MEIKIN: variants seen among roughly 807,000 people sequenced by gnomAD.
MEIKIN encodes meiotic kinetochore factor, also known as meiosis-specific kinetochore protein.
At chr5:131,875,235 C>G (rs1054972797) in intron 9 of MEIKIN, among the ~76,000 whole-genome samples, 3 of 152,160 alleles carry the variant, frequency 2.0e-5, no homozygotes, top group African/African-American at 7.2e-5. Context: ...GATTGTGTAT[C>G]TAGAAAACCC....
rs987689197 is a variant in MEIKIN at position 131,877,610 on chromosome 5, C to T, written c.774+1368G>A. On this transcript the variant is annotated intron_variant, in intron 9 of 12. Coordinates refer to ENST00000442687, the MANE Select transcript of MEIKIN (RefSeq NM_001303622.2). Reference sequence around the variant, plus strand: ...AGTGAGTGGTGAGAGAGCCACTGCACTCCAGCCTGGGTGACAGAGGAAGAC... The same window carrying T: ...AGTGAGTGGTGAGAGAGCCACTGCATTCCAGCCTGGGTGACAGAGGAAGAC... Among the ~76,000 whole-genome samples the T allele has an allele frequency of 1.3e-5, 2 of 152,136 alleles. 1 individual carries two copies. Among genetic ancestry groups the T allele is most frequent in the South Asian group, 4.1e-4 (2 of 4,824 alleles).
rs1750299119 is a variant in MEIKIN, at chr5:131,862,286, G to A, written c.775-7452C>T. 2.6e-5 allele frequency among the ~76,000 whole-genome samples: 4 copies of A among 152,068 alleles called. No individual in the cohort carries two copies. The South Asian group carries it at 8.3e-4, about 31-fold the overall frequency. On this transcript the variant is annotated intron_variant, in intron 9 of 12. Coordinates refer to ENST00000442687, the MANE Select transcript of MEIKIN (RefSeq NM_001303622.2). Reference sequence around the variant, plus strand: ...GTTTTCTAATTCTGTGGTATCAGTAGTAACGTCTCCTTTTTCATTCCTGAT... The same window carrying A: ...GTTTTCTAATTCTGTGGTATCAGTAATAACGTCTCCTTTTTCATTCCTGAT...
At chr5:131,849,776 G>A (rs1750080211) in intron 11 of MEIKIN, among the ~76,000 whole-genome samples, 1 of 151,650 alleles carries the variant, frequency 6.6e-6, no homozygotes, top group Non-Finnish European at 1.5e-5. Context: ...GAAGAAAAAG[G>A]CAAGGATGTC....
intron 9 of MEIKIN, among the ~76,000 whole-genome samples, chr5:131,878,349 C>T (rs1380213452): frequency 2.0e-5 from 3 of 152,102 alleles, no homozygotes; most frequent in Non-Finnish European, 2.9e-5. Context: ...GGGCGGATCA[C>T]GAGGTCAGGA....
chr5:131,869,325 T>C (rs898197266), intron 9 of MEIKIN, among the ~76,000 whole-genome samples: 4 of 152,242 alleles, frequency 2.6e-5, no homozygotes, highest in African/African-American at 9.6e-5. Context: ...CTCTCTATTC[T>C]GTTCCATCGA....
chr5:131,848,321 A>G (rs1265993261), intron 11 of MEIKIN, among the ~76,000 whole-genome samples: 7 of 152,204 alleles, frequency 4.6e-5, no homozygotes, highest in Non-Finnish European at 7.4e-5. Context: ...TTAAATTACT[A>G]AAGTCAGAAA....
intron 9 of MEIKIN, among the ~76,000 whole-genome samples, chr5:131,872,587 C>A (rs991805170): frequency 1.1e-4 from 16 of 152,266 alleles, no homozygotes; most frequent in African/African-American, 3.9e-4. Context: ...GGATATTATC[C>A]AGGAGAACTT....
At chr5:131,889,376 G>A (rs1027197697) in intron 8 of MEIKIN, among the ~76,000 whole-genome samples, 24 of 151,856 alleles carry the variant, frequency 1.6e-4, no homozygotes, top group Non-Finnish European at 3.4e-4. Flanking sequence ...TTGTATCCTC[G>A]TTTATTTCAT....
intron 11 of MEIKIN, among the ~76,000 whole-genome samples, chr5:131,830,380 G>A (rs1266902176): frequency 6.6e-6 from 1 of 152,186 alleles, no homozygotes; most frequent in Non-Finnish European, 1.5e-5. Flanking sequence ...CTGGGCAAGA[G>A]AGTGAGATCC....
intron 5 of MEIKIN, among the ~76,000 whole-genome samples, chr5:131,931,420 C>T (rs1275176707): frequency 6.6e-6 from 1 of 152,182 alleles, no homozygotes; most frequent in East Asian, 1.9e-4. Flanking sequence ...TCTTTGTTCT[C>T]AGCAGTCACC....
chr5:131,852,735 T>C (rs1750135621), intron 10 of MEIKIN, among the ~76,000 whole-genome samples: 1 of 152,120 alleles, frequency 6.6e-6, no homozygotes, highest in African/African-American at 2.4e-5. Context: ...ATCATGATGA[T>C]AGTTGCACAG....
At position 131,827,818 on chromosome 5, in the gene MEIKIN, T is replaced by A. The variant is rs569610496; in HGVS notation, c.976-8955A>T. On this transcript the variant is annotated intron_variant, in intron 11 of 12. Transcript: ENST00000442687. ...TTATCAACAATTACAGAATAAACAT[T>A]ACTTTCAAACACACGCAACATATAA... Among the ~76,000 whole-genome samples the A allele has an allele frequency of 3.3e-5, 5 of 152,292 alleles. No homozygotes were observed. The South Asian group carries it at 1.0e-3, about 32-fold the overall frequency.
intron 8 of MEIKIN, among the ~76,000 whole-genome samples, chr5:131,900,372 G>T (rs1751134898): frequency 6.6e-6 from 1 of 152,186 alleles, no homozygotes; most frequent in Non-Finnish European, 1.5e-5. Context: ...AGGCGCACTG[G>T]GACTCATTCC....
intron 9 of MEIKIN, among the ~76,000 whole-genome samples, chr5:131,864,925 T>C (rs534896661): frequency 1.3e-5 from 2 of 152,352 alleles, no homozygotes; most frequent in East Asian, 3.9e-4. Context: ...TTTTTCTTTA[T>C]TTTTGCCTAA....
intron 8 of MEIKIN, among the ~76,000 whole-genome samples, chr5:131,906,867 G>A (rs113047515): frequency 4.6e-5 from 7 of 152,182 alleles, no homozygotes; most frequent in African/African-American, 1.7e-4. Context: ...CCTACTTGAG[G>A]GTGAGAGGAG....
At chr5:131,921,548 T>C (rs1489264780) in intron 6 of MEIKIN, among the ~76,000 whole-genome samples, 1 of 151,984 alleles carries the variant, frequency 6.6e-6, no homozygotes. Flanking sequence ...CCCCAGCTAC[T>C]AGGGAGGCTG....
At chr5:131,882,009 T>A (rs1190162855) in intron 8 of MEIKIN, among the ~76,000 whole-genome samples, 1 of 152,188 alleles carries the variant, frequency 6.6e-6, no homozygotes, top group African/African-American at 2.4e-5. Context: ...AGTGCTCCCA[T>A]CTCAATAAAT....
intron 9 of MEIKIN, among the ~76,000 whole-genome samples, chr5:131,862,213 C>T (rs538833410): frequency 1.8e-4 from 27 of 152,036 alleles, no homozygotes; most frequent in Non-Finnish European, 2.9e-4. Context: ...ACCCATTTCT[C>T]CAAGTTTTCT....
At chr5:131,872,504 G>C (rs1052458361) in intron 9 of MEIKIN, among the ~76,000 whole-genome samples, 1 of 152,182 alleles carries the variant, frequency 6.6e-6, no homozygotes, top group African/African-American at 2.4e-5. Context: ...TATGTGAAAA[G>C]ACCAAATCAA....
Sources: gnomAD v4.1 joint callset for allele counts (sites outside exome capture counted in the v4.1 genomes callset) on GRCh38, gnomAD v4.1.1 for gene constraint, MANE v1.5 for transcripts, NCBI Gene and HGNC (gene_info 2026-07-23, HGNC 2026-07-21) for gene names.